NYX: variants seen among roughly 807,000 people sequenced by gnomAD.
NYX encodes nyctalopin, also known as leucine-rich repeat protein.
For synonymous variants in NYX, 258 were observed against 245.7 expected (o/e 1.05, Z -0.47); for missense variants, 481 against 485.4 (o/e 0.99, Z 0.09).
Position 41,473,743 on chromosome X carries a change from A to G in NYX, c.275A>G (p.Asn92Ser). ...SLRRLSLRHN[N>S]LSFITPGAFK... ...CGCCGCCTGTCGCTGCGCCACAACA[A>G]CCTGTCCTTCATCACGCCCGGCGCC... The change falls in exon 3 of 3, where the codon AAC becomes AGC. Residue 92 changes from asparagine to serine, a missense_variant. Asn to Ser is a conservative substitution (Grantham distance 46). Coordinates refer to ENST00000378220, the MANE Select transcript of NYX (RefSeq NM_001378477.3). 1 of 1,155,200 alleles carries G rather than the reference A, an allele frequency of 8.7e-7. No homozygotes were observed. Among genetic ancestry groups the G allele is most frequent in the Non-Finnish European group, 1.1e-6 (1 of 873,436 alleles).
chrX:41,461,380 G>A (rs3021326), intron 2 of NYX, among the ~76,000 whole-genome samples: 32,074 of 87,826 alleles, frequency 0.37, 3,683 homozygotes, highest in East Asian at 0.74. Flanking sequence ...GTAATATTCC[G>A]TCATATATAT....
At chrX:41,470,136 G>A (rs992383858) in intron 2 of NYX, among the ~76,000 whole-genome samples, 18 of 108,580 alleles carry the variant, frequency 1.7e-4, no homozygotes, top group African/African-American at 5.7e-4. Context: ...TTGATTGACA[G>A]GCTTTTCTTT....
At chrX:41,455,146 C>A (rs1408028724) in intron 2 of NYX, among the ~76,000 whole-genome samples, 2 of 109,152 alleles carry the variant, frequency 1.8e-5, no homozygotes, top group Non-Finnish European at 3.8e-5. Flanking sequence ...CACTCTGTTG[C>A]CCAGGCTGGA....
At chrX:41,459,417 G>A (rs2064310187) in intron 2 of NYX, among the ~76,000 whole-genome samples, 1 of 110,262 alleles carries the variant, frequency 9.1e-6, no homozygotes, top group Non-Finnish European at 1.9e-5. Context: ...TCAGGAGTTC[G>A]AGACCAGCCT....
intron 2 of NYX, among the ~76,000 whole-genome samples, chrX:41,459,134 C>A: frequency 9.0e-6 from 1 of 111,600 alleles, no homozygotes; most frequent in Admixed American, 9.5e-5. Context: ...GCAAAAGAAA[C>A]CCATACAATT....
chrX:41,447,688 C>T, intron 1 of NYX, 161 bp from the exon 2 acceptor site: 1 of 458,711 alleles, frequency 2.2e-6, no homozygotes, highest in Non-Finnish European at 3.9e-6. Flanking sequence ...TTCTGATTTT[C>T]TGTTGTTACT....
intron 2 of NYX, among the ~76,000 whole-genome samples, chrX:41,471,588 T>C (rs996189426): frequency 3.6e-5 from 4 of 111,845 alleles, no homozygotes; most frequent in African/African-American, 1.3e-4. Context: ...ATTACCCTTA[T>C]TTTGTCTCCT....
intron 2 of NYX, among the ~76,000 whole-genome samples, chrX:41,459,217 G>A (rs2064309356): frequency 8.9e-6 from 1 of 112,001 alleles, no homozygotes; most frequent in African/African-American, 3.2e-5. Flanking sequence ...CCTAAACTAT[G>A]TCCTGTAGAT....
intron 2 of NYX, among the ~76,000 whole-genome samples, chrX:41,458,832 C>T (rs903024070): frequency 1.9e-5 from 2 of 103,252 alleles, no homozygotes; most frequent in Non-Finnish European, 3.9e-5. Flanking sequence ...GTAATCCCAG[C>T]ACTTTGGGAG....
intron 2 of NYX, among the ~76,000 whole-genome samples, chrX:41,452,883 G>T (rs1342902085): frequency 1.8e-5 from 2 of 111,809 alleles, no homozygotes; most frequent in Non-Finnish European, 3.8e-5. Flanking sequence ...GCCACAGCAT[G>T]GTCTCCGCCT....
intron 2 of NYX, among the ~76,000 whole-genome samples, chrX:41,448,927 A>T (rs780340583): frequency 1.8e-5 from 2 of 111,163 alleles, no homozygotes; most frequent in East Asian, 2.8e-4. Flanking sequence ...TTAAAAAACC[A>T]CCTTCCTAAA....
intron 2 of NYX, among the ~76,000 whole-genome samples, chrX:41,465,518 C>A (rs1207351361): frequency 9.5e-6 from 1 of 105,238 alleles, no homozygotes; most frequent in African/African-American, 3.5e-5. Context: ...TCTAACTTGG[C>A]AGACCTTGAA....
intron 2 of NYX, chrX:41,472,503 A>G: frequency 1.5e-6 from 1 of 651,191 alleles, no homozygotes; most frequent in Admixed American, 2.5e-5. Flanking sequence ...TGGGATTCCA[A>G]GGATTCTTGA....
At chrX:41,468,098 A>G in intron 2 of NYX, among the ~76,000 whole-genome samples, 1 of 111,942 alleles carries the variant, frequency 8.9e-6, no homozygotes, top group East Asian at 2.8e-4. Context: ...ACTCTAATCT[A>G]TTTTTTGAAA....
At position 41,473,779 on chromosome X, in the gene NYX, T is replaced by C; in HGVS notation, c.311T>C (p.Leu104Pro). 8.8e-7 allele frequency: 1 copy of C among 1,141,278 alleles called. No individual in the cohort carries two copies. The allele number at this position is 1,141,278 out of a possible 1,213,427, so 94.1% of individuals were successfully genotyped here. The stretch of plus-strand genomic sequence containing the variant: ...ATCACGCCCGGCGCCTTCAAGGGCC[T>C]GCCGCGCCTGGCTGAGCTGCGCCTG... ...SFITPGAFKGLPRLAELRLAH... is the reference protein window; with the variant it reads ...SFITPGAFKGPPRLAELRLAH... The change falls in exon 3 of 3, where the codon CTG (leucine) becomes CCG (proline). Residue 104 changes from leucine to proline, a missense_variant. Physicochemically the swap from Leu to Pro is moderately conservative, Grantham distance 98. Transcript: ENST00000378220.
At chrX:41,464,127 T>C in intron 2 of NYX, among the ~76,000 whole-genome samples, 1 of 104,634 alleles carries the variant, frequency 9.6e-6, no homozygotes, top group East Asian at 3.1e-4. Flanking sequence ...CATTCAGCGC[T>C]TAAAGAGCAC....
In NYX at chrX:41,475,323, CT is replaced by C. The variant is rs2064386948; in HGVS notation, c.*427del. 6.4e-6 allele frequency: 1 copy of C among 155,952 alleles called. No individual in the cohort carries two copies. The highest frequency in any genetic ancestry group is 7.6e-5 in the Admixed American group (1 of 13,079). The allele number at this position is 155,952 out of a possible 1,213,427, so 12.9% of individuals were successfully genotyped here. On this transcript the variant is annotated 3_prime_UTR_variant, in exon 3 of 3. Coordinates refer to ENST00000378220, the MANE Select transcript of NYX (RefSeq NM_001378477.3). ...CGGGGTAACCCATTACACCGAAGTC[CT>C]TTGTTTTCTACCACAATCCTCCTCC...
chrX:41,471,258 CCCA>C (rs1281349058), intron 2 of NYX, among the ~76,000 whole-genome samples: 3 of 111,173 alleles, frequency 2.7e-5, no homozygotes, highest in African/African-American at 9.8e-5. Context: ...ATTACAGGTG[CCCA>C]CCACCATGCC....
At chrX:41,450,649 T>A (rs1308382536) in intron 2 of NYX, among the ~76,000 whole-genome samples, 1 of 45,921 alleles carries the variant, frequency 2.2e-5, no homozygotes, top group African/African-American at 1.2e-4. Flanking sequence ...AATGGCTACA[T>A]TTTTTTTTTT....
Sources: gnomAD v4.1 joint callset for allele counts (sites outside exome capture counted in the v4.1 genomes callset) on GRCh38, gnomAD v4.1.1 for gene constraint, MANE v1.5 for transcripts, NCBI Gene and HGNC (gene_info 2026-07-23, HGNC 2026-07-21) for gene names.